Variants in CLN3 observed in about 807,000 individuals in gnomAD.
CLN3 encodes the protein battenin.
A neutral mutation model predicts 60.7 loss-of-function variants in CLN3; 49 were observed. That is an observed-to-expected ratio of 0.81 (90% CI 0.64 to 1.02). CLN3 has a LOEUF of 1.02. CLN3 is among the 50% of genes least tolerant of loss of function. The pLI, the probability that CLN3 is intolerant of heterozygous loss-of-function variation, is 0.00. For synonymous variants in CLN3, 256 were observed against 245.8 expected (o/e 1.04, Z -0.39); for missense variants, 516 against 557.4 (o/e 0.93, Z 0.75).
downstream of CLN3, chr16:28,470,538 A>T: frequency 5.1e-6 from 2 of 395,092 alleles, no homozygotes; most frequent in Non-Finnish European, 8.3e-6. Context: ...GCCGGATCTG[A>T]GTTGGGGCGG....
rs898476484 is a variant in CLN3, at chr16:28,482,797, T to A, written c.791-125A>T. On this transcript the variant is annotated intron_variant, in intron 10 of 15. Transcript: ENST00000636147. Reference sequence around the variant, plus strand: ...GGGAACTCACTTCCATGCCACTGGATTGGACACTTAAAAATGGTTAAAATG... The same window carrying A: ...GGGAACTCACTTCCATGCCACTGGAATGGACACTTAAAAATGGTTAAAATG... 24 of 1,011,976 alleles carry A rather than the reference T, an allele frequency of 2.4e-5. No individual in the cohort carries two copies. In the African/African-American group the frequency reaches 3.0e-4, roughly 13 times the overall value. The allele number at this position is 1,011,976 out of a possible 1,614,324, so 62.7% of individuals were successfully genotyped here.
At chr16:28,479,197 G>A (rs969606227) in intron 14 of CLN3, among the ~76,000 whole-genome samples, 2 of 152,196 alleles carry the variant, frequency 1.3e-5, no homozygotes, top group Non-Finnish European at 2.9e-5. Context: ...TGTAAGAATT[G>A]CCTGGGGATC....
At position 28,491,792 on chromosome 16, in the gene CLN3, G is replaced by A. The variant is rs368494637; in HGVS notation, c.-33C>T. 1.9e-6 allele frequency: 3 copies of A among 1,611,642 alleles called. No homozygotes were observed. The highest frequency in any genetic ancestry group is 1.1e-5 in the South Asian group (1 of 90,968). ...AGTTCAGGTCCCCCGAGGGTCCAGGGTCATAGAGTGTCCAAAGGGGGCTCC... is the reference window on the plus strand; with the variant it reads ...AGTTCAGGTCCCCCGAGGGTCCAGGATCATAGAGTGTCCAAAGGGGGCTCC... On this transcript the variant is annotated 5_prime_UTR_variant, in exon 2 of 16. Transcript: ENST00000636147.
intron 7 of CLN3, 152 bp from the exon 8 acceptor site, chr16:28,486,802 C>A: frequency 1.3e-6 from 1 of 750,962 alleles, no homozygotes; most frequent in Non-Finnish European, 2.3e-6. Flanking sequence ...GAAGCAGAGC[C>A]CCACTCCCCT....
intron 4 of CLN3, 28 bp from the exon 5 acceptor site, chr16:28,488,690 C>G (rs138236790): frequency 6.2e-7 from 1 of 1,609,272 alleles, no homozygotes; most frequent in Admixed American, 1.7e-5. Context: ...TGTCTTTCAC[C>G]CTGGAGGCAG....
At position 28,480,036 on chromosome 16, in the gene CLN3, C is replaced by T. The variant is rs977077336; in HGVS notation, c.1056+2069G>A. Among the ~76,000 whole-genome samples the T allele has an allele frequency of 3.5e-4, 53 of 151,990 alleles. 1 individual carries two copies. The highest frequency in any genetic ancestry group is 1.8e-4 in the Non-Finnish European group (12 of 68,004). On this transcript the variant is annotated intron_variant, in intron 14 of 15. Coordinates refer to ENST00000636147, the MANE Select transcript of CLN3 (RefSeq NM_001042432.2). ...GGTACAGTGGCATGATTATGGCTCA[C>T]TGCAGCCTGGAACTCCTGGGCTAAA...
Position 28,482,685 on chromosome 16 carries a change from A to C in CLN3, c.791-13T>G, listed in dbSNP as rs759642431. On this transcript the variant is annotated splice_polypyrimidine_tract_variant and intron_variant, in intron 10 of 15. Coordinates refer to ENST00000636147, the MANE Select transcript of CLN3 (RefSeq NM_001042432.2). ...CTGGAGCTGGAGCCTGCAGGGGAAC[A>C]GAGAGAGAAGGGCAGATGAAGTTTT... is the stretch of plus-strand genomic sequence containing the variant. 6.2e-7 allele frequency: 1 copy of C among 1,614,006 alleles called. No homozygotes were observed. The highest frequency in any genetic ancestry group is 1.3e-5 in the African/African-American group (1 of 74,942).
rs369540789 is a variant in CLN3, at chr16:28,477,496, C to A, written c.*20G>T. The A allele has an allele frequency of 8.1e-6, 13 of 1,612,180 alleles. No homozygotes were observed. The highest frequency in any genetic ancestry group is 5.5e-5 in the South Asian group (5 of 91,012). ...TCTGCCCACAGGTGAATGTGACCTG[C>A]GTCCTGAGGATCCCGAGTATCAGGA... On this transcript the variant is annotated 3_prime_UTR_variant, in exon 16 of 16. Transcript: ENST00000636147.
rs1447196278 is a variant in CLN3 at position 28,486,568 on chromosome 16, A to C, written c.533+10T>G. On this transcript the variant is annotated intron_variant, in intron 8 of 15. Transcript: ENST00000636147. ...AGCCTCTCCCCACACTCCCTGCTCC[A>C]CCTGCTTACCTGGGGTAGAAGGCAG... 31 of 1,609,512 alleles carry C rather than the reference A, an allele frequency of 1.9e-5. No homozygotes were observed. The highest frequency in any genetic ancestry group is 2.5e-5 in the Non-Finnish European group (30 of 1,178,092).
intron 14 of CLN3, among the ~76,000 whole-genome samples, chr16:28,480,224 T>C (rs564257376): frequency 1.3e-5 from 2 of 151,856 alleles, no homozygotes. Context: ...TTTTTTTTTT[T>C]AATTTTTTGT....
In CLN3 at chr16:28,488,652, C is replaced by T. The variant is rs768993577; in HGVS notation, c.233G>A (p.Gly78Asp). ...TSGNQSHVDP[G>D]PTPIPHNSSS... is the part of the protein sequence containing the mutation. ...GCTGTTGTGGGGGATCGGCGTTGGG[C>T]CTGGGTCCACCTAATGGGAGAAAAG... The change falls in exon 5 of 16, where the codon GGC (glycine) becomes GAC (aspartate). Residue 78 changes from glycine (G) to aspartate (D), a missense_variant. By Grantham distance (94) the Gly-to-Asp change is moderately conservative. Transcript: ENST00000636147. 6.2e-7 allele frequency: 1 copy of T among 1,614,100 alleles called. No individual in the cohort carries two copies. The highest frequency in any genetic ancestry group is 8.5e-7 in the Non-Finnish European group (1 of 1,179,966).
chr16:28,472,344 A>C (rs892490247), downstream of CLN3, among the ~76,000 whole-genome samples: 3 of 151,862 alleles, frequency 2.0e-5, no homozygotes, highest in Non-Finnish European at 2.9e-5. Context: ...AGCTATGATC[A>C]CGCCACTTCA....
At position 28,478,633 on chromosome 16, in the gene CLN3, A is replaced by T. The variant is rs1250132959; in HGVS notation, c.1057-756T>A. Among the ~76,000 whole-genome samples, 4 of 151,170 alleles carry T rather than the reference A, an allele frequency of 2.6e-5. No homozygotes were observed. In the East Asian group the frequency reaches 5.8e-4, roughly 22 times the overall value. On this transcript the variant is annotated intron_variant, in intron 14 of 15. Transcript: ENST00000636147. ...CCTGTCTCATAAAAAAAAAAAAAAA[A>T]AAAAAAAAAAAAATGGAGGCTTCTT...
intron 7 of CLN3, 120 bp from the exon 8 acceptor site, chr16:28,486,770 G>T: frequency 1.1e-6 from 1 of 951,350 alleles, no homozygotes; most frequent in Non-Finnish European, 1.6e-6. Context: ...TAGATCCCAT[G>T]CATAGGCCAG....
chr16:28,483,016 A>G (rs567267040), intron 10 of CLN3, among the ~76,000 whole-genome samples: 5 of 151,930 alleles, frequency 3.3e-5, no homozygotes, highest in East Asian at 3.9e-4. Flanking sequence ...AGGCAGGAGA[A>G]TCACTTGAAC....
At chr16:28,488,686 TCACCC>T in intron 4 of CLN3, 24 bp from the exon 5 acceptor site, 1 of 1,612,060 alleles carries the variant, frequency 6.2e-7, no homozygotes, top group Non-Finnish European at 8.5e-7. Context: ...AGCATGTCTT[TCACCC>T]TGGAGGCAGA....
At chr16:28,480,711 T>G (rs766927554) in intron 14 of CLN3, among the ~76,000 whole-genome samples, 10 of 152,244 alleles carry the variant, frequency 6.6e-5, no homozygotes, top group Non-Finnish European at 1.3e-4. Context: ...CTGGCCAAGT[T>G]CCTAAATTTC....
chr16:28,469,850 T>C (rs1397196723), downstream of CLN3: 1 of 302,362 alleles, frequency 3.3e-6, no homozygotes, highest in Non-Finnish European at 6.4e-6. Flanking sequence ...CCAGGCGTTG[T>C]AATCTGAGCT....
intron 14 of CLN3, among the ~76,000 whole-genome samples, chr16:28,481,789 C>A (rs2046099703): frequency 6.6e-6 from 1 of 151,928 alleles, no homozygotes; most frequent in Non-Finnish European, 1.5e-5. Context: ...GTCAAGAGTT[C>A]AAGACCAGCC....
Sources: gnomAD v4.1 joint callset for allele counts (sites outside exome capture counted in the v4.1 genomes callset) on GRCh38, gnomAD v4.1.1 for gene constraint, MANE v1.5 for transcripts, NCBI Gene and HGNC (gene_info 2026-07-23, HGNC 2026-07-21) for gene names.